Variants in SDCCAG8 observed in about 807,000 individuals in gnomAD.
SDCCAG8 encodes SHH signaling and ciliogenesis regulator SDCCAG8, also known as serologically defined colon cancer antigen 8.
A neutral mutation model predicts 101.8 loss-of-function variants in SDCCAG8; 74 were observed. That is an observed-to-expected ratio of 0.73 (90% CI 0.60 to 0.88). The LOEUF is 0.88. Ranked by LOEUF, SDCCAG8 falls within the 40% of genes least tolerant of loss-of-function variation. The pLI is 0.00. For synonymous variants in SDCCAG8, 281 were observed against 292.9 expected, an observed-to-expected ratio of 0.96 and a Z score of 0.41; for missense variants, 787 against 822.6, an observed-to-expected ratio of 0.96 and a Z score of 0.53.
At chr1:243,271,518 C>T (rs2068081482) in intron 3 of SDCCAG8, among the ~76,000 whole-genome samples, 1 of 151,538 alleles carries the variant, frequency 6.6e-6, no homozygotes, top group Non-Finnish European at 1.5e-5. Flanking sequence ...TTTTGAGTGT[C>T]AAAATAATAC....
At chr1:243,311,032 G>A (rs910438963) in intron 8 of SDCCAG8, among the ~76,000 whole-genome samples, 4 of 151,994 alleles carry the variant, frequency 2.6e-5, no homozygotes, top group Non-Finnish European at 4.4e-5. Flanking sequence ...AATTAGTCCT[G>A]TCCATTCATA....
chr1:243,433,965 C>T (rs767552899), intron 16 of SDCCAG8, among the ~76,000 whole-genome samples: 1 of 152,316 alleles, frequency 6.6e-6, no homozygotes, highest in African/African-American at 2.4e-5. Flanking sequence ...GTAACATAAG[C>T]GCTGCTAGTT....
chr1:243,442,613 T>TAA (rs202076850), intron 16 of SDCCAG8, among the ~76,000 whole-genome samples: 15 of 145,876 alleles, frequency 1.0e-4, no homozygotes, highest in Non-Finnish European at 1.1e-4. Flanking sequence ...AAAAGAACAT[T>TAA]AAAAAAAAAA....
intron 9 of SDCCAG8, among the ~76,000 whole-genome samples, chr1:243,320,865 TCTC>T (rs2073699967): frequency 1.3e-5 from 2 of 152,336 alleles, no homozygotes; most frequent in East Asian, 3.9e-4. Flanking sequence ...TGTGCATTCT[TCTC>T]TGCTCCACTG....
At chr1:243,380,323 G>A (rs929999481) in intron 13 of SDCCAG8, among the ~76,000 whole-genome samples, 2 of 152,118 alleles carry the variant, frequency 1.3e-5, no homozygotes, top group African/African-American at 4.8e-5. Flanking sequence ...GCTTCATCAT[G>A]GTAATGTTAA....
intron 1 of SDCCAG8, among the ~76,000 whole-genome samples, chr1:243,259,650 T>C (rs2067045579): frequency 6.6e-6 from 1 of 150,718 alleles, no homozygotes; most frequent in Non-Finnish European, 1.5e-5. Flanking sequence ...AGAAACCCTG[T>C]CTCTACTAAA....
chr1:243,392,174 G>A (rs928056098), intron 13 of SDCCAG8, among the ~76,000 whole-genome samples: 1 of 152,218 alleles, frequency 6.6e-6, no homozygotes, highest in East Asian at 1.9e-4. Context: ...TATCTATTCA[G>A]GTACTCCAAT....
chr1:243,415,232 CTAGA>C (rs2080489278), intron 13 of SDCCAG8, among the ~76,000 whole-genome samples: 1 of 152,120 alleles, frequency 6.6e-6, no homozygotes, highest in Non-Finnish European at 1.5e-5. Flanking sequence ...TTACTCGCCT[CTAGA>C]TAGAGGCTCC....
At chr1:243,404,952 C>T (rs1256401903) in intron 13 of SDCCAG8, among the ~76,000 whole-genome samples, 5 of 151,808 alleles carry the variant, frequency 3.3e-5, no homozygotes, top group East Asian at 1.9e-4. Flanking sequence ...CCACAACCTC[C>T]GCCTCCCGGG....
At chr1:243,324,637 ATTC>A (rs1308041878) in intron 9 of SDCCAG8, among the ~76,000 whole-genome samples, 3 of 151,848 alleles carry the variant, frequency 2.0e-5, no homozygotes, top group Non-Finnish European at 4.4e-5. Context: ...TACTTCACGT[ATTC>A]TTATACCAAG....
intron 16 of SDCCAG8, among the ~76,000 whole-genome samples, chr1:243,464,509 A>G (rs1659742060): frequency 6.6e-6 from 1 of 152,222 alleles, no homozygotes; most frequent in Non-Finnish European, 1.5e-5. Flanking sequence ...CTGGGATGCC[A>G]AGGAATTGCT....
chr1:243,304,918 G>A, intron 7 of SDCCAG8, 141 bp downstream of exon 7: 2 of 638,120 alleles, frequency 3.1e-6, no homozygotes, highest in Non-Finnish European at 5.6e-6. Context: ...AATTTCCTCA[G>A]ATTATTAAAG....
intron 9 of SDCCAG8, among the ~76,000 whole-genome samples, chr1:243,324,420 A>G (rs554586221): frequency 2.8e-5 from 4 of 144,224 alleles, no homozygotes; most frequent in Non-Finnish European, 6.0e-5. Flanking sequence ...TTTCATTCTT[A>G]TACCACTGCC....
rs1333654491 is a variant in SDCCAG8 at position 243,458,223 on chromosome 1, C to CA, written c.1986-30790dup. ...TCAACCATCCTTTAGCCTCCCTGGC[C>CA]AGGGACCCTGGCCTCTGCTTTTGTG... is the stretch of plus-strand genomic sequence containing the variant. On this transcript the variant is annotated intron_variant, in intron 16 of 17. Transcript: ENST00000366541. This position sits in a 1 kb window ranked among gnomAD's most constrained non-coding sequence, Gnocchi z 4.5. Among the ~76,000 whole-genome samples, 3 of 152,180 alleles carry CA rather than the reference C, an allele frequency of 2.0e-5. No individual in the cohort carries two copies. Among genetic ancestry groups the CA allele is most frequent in the African/African-American group, 7.2e-5 (3 of 41,446 alleles).
chr1:243,495,975 T>C (rs1667754095), intron 17 of SDCCAG8, among the ~76,000 whole-genome samples: 1 of 152,184 alleles, frequency 6.6e-6, no homozygotes, highest in South Asian at 2.1e-4. Flanking sequence ...AGACATGTGT[T>C]AGCTTTCATG....
intron 13 of SDCCAG8, among the ~76,000 whole-genome samples, chr1:243,405,787 G>T (rs909842532): frequency 6.6e-6 from 1 of 151,188 alleles, no homozygotes; most frequent in African/African-American, 2.4e-5. Flanking sequence ...ATACTTATGA[G>T]ATAAAATATA....
intron 3 of SDCCAG8, 21 bp downstream of exon 3, chr1:243,271,084 G>C: frequency 6.6e-7 from 1 of 1,525,302 alleles, no homozygotes; most frequent in Non-Finnish European, 9.1e-7. Context: ...ACTTTTCCAA[G>C]TTGACAAAGC....
intron 13 of SDCCAG8, among the ~76,000 whole-genome samples, chr1:243,401,885 T>C (rs774326205): frequency 2.4e-4 from 37 of 152,310 alleles, no homozygotes; most frequent in South Asian, 6.2e-4. Context: ...CTTATCAAGG[T>C]TAAAAAAGGT....
chr1:243,478,193 T>G (rs1203605698), intron 16 of SDCCAG8, among the ~76,000 whole-genome samples: 1 of 152,158 alleles, frequency 6.6e-6, no homozygotes. Context: ...ATTCTCAAGT[T>G]TGACATGGAA....
Sources: gnomAD v4.1 joint callset for allele counts (sites outside exome capture counted in the v4.1 genomes callset) on GRCh38, gnomAD v4.1.1 for gene constraint, Gnocchi (gnomAD v3.1) non-coding constraint, MANE v1.5 for transcripts, NCBI Gene and HGNC (gene_info 2026-07-23, HGNC 2026-07-21) for gene names.